FMO5: variants seen among roughly 807,000 people sequenced by gnomAD.
The protein encoded by FMO5 is flavin-containing monooxygenase 5.
Under a neutral mutation model 43.6 loss-of-function variants are expected in FMO5, and 51 were observed. The observed-to-expected ratio is 1.17, with a 90% CI of 0.93 to 1.48. The LOEUF (loss-of-function observed/expected upper bound fraction) is 1.48, where lower values mean the gene tolerates loss of function less well. Among genes scored for constraint, FMO5 ranks in the 40% most tolerant of loss-of-function variants. FMO5 has a pLI of 0.00. For synonymous variants in FMO5, 187 were observed against 216.5 expected (o/e 0.86, Z 1.20); for missense variants, 644 against 643.0 (o/e 1.00, Z -0.02).
Position 147,225,044 on chromosome 1 carries a change from T to G in FMO5, c.-15A>C, listed in dbSNP as rs1553927399. ...TTCTTAGTCATGGTCTCCCGAGATC[T>G]TCACCTGTTAGTGTCGCCTGTCCTA... On this transcript the variant is annotated 5_prime_UTR_variant, in exon 2 of 9. Transcript: ENST00000254090. The G allele has an allele frequency of 2.5e-6, 4 of 1,614,094 alleles. No homozygotes were observed. The highest frequency in any genetic ancestry group is 2.5e-6 in the Non-Finnish European group (3 of 1,179,980).
In FMO5 at chr1:147,215,797, A is replaced by G. The variant is rs1416054632; in HGVS notation, c.281T>C (p.Met94Thr). The G allele has an allele frequency of 1.3e-5, 21 of 1,612,750 alleles. No individual in the cohort carries two copies. Among genetic ancestry groups the G allele is most frequent in the Non-Finnish European group, 1.6e-5 (19 of 1,179,600 alleles). ...TAGAAGGTCAAATTCTTTGGCATAC[A>G]TCCTGAAATACTCCAGGACCTGGGC... ...HNAQVLEYFR[M>T]YAKEFDLLKY... The change falls in exon 3 of 9, where the codon ATG becomes ACG. Residue 94 changes from methionine to threonine, a missense_variant. Met to Thr is a moderately conservative substitution (Grantham distance 81, BLOSUM62 -1). Transcript: ENST00000254090.
In FMO5 at chr1:147,213,387, C is replaced by T; in HGVS notation, c.408G>A (p.Lys136=). Residue 136 remains lysine (K), a synonymous_variant, in exon 4 of 9, where the codon AAG becomes AAA. Coordinates refer to ENST00000254090, the MANE Select transcript of FMO5 (RefSeq NM_001461.4). ...WEVVTESEGK[K]EMNVFDGVMV... is the part of the protein sequence containing the mutation. ...TGACTCCATCAAAGACATTCATCTC[C>T]TTTTTCCCTTCAGATTCAGTGACCA... The T allele has an allele frequency of 1.2e-6, 2 of 1,613,804 alleles. No homozygotes were observed. Among genetic ancestry groups the T allele is most frequent in the Non-Finnish European group, 1.7e-6 (2 of 1,179,872 alleles).
intron 8 of FMO5, among the ~76,000 whole-genome samples, chr1:147,188,207 T>G (rs1238579568): frequency 6.6e-6 from 1 of 152,142 alleles, no homozygotes; most frequent in South Asian, 2.1e-4. Flanking sequence ...TTATTTATCC[T>G]ATAATAGTAG....
At chr1:147,203,232 C>G (rs1659363238) in intron 6 of FMO5, 1 of 1,054,446 alleles carries the variant, frequency 9.5e-7, no homozygotes, top group African/African-American at 1.6e-5. Flanking sequence ...TAGAATACTA[C>G]TACAAATACA....
intron 8 of FMO5, among the ~76,000 whole-genome samples, chr1:147,187,874 A>G (rs1171307867): frequency 6.6e-6 from 1 of 152,200 alleles, no homozygotes; most frequent in Admixed American, 6.5e-5. Context: ...TGTGTGGTGG[A>G]GTGGGATTTG....
intron 6 of FMO5, 55 bp downstream of exon 6, chr1:147,208,797 G>A (rs1415029574): frequency 6.9e-7 from 1 of 1,447,976 alleles, no homozygotes; most frequent in Admixed American, 1.7e-5. Context: ...AGTGTGAAGA[G>A]TCCTTATTCT....
chr1:147,220,983 T>G (rs1553926133), intron 2 of FMO5, among the ~76,000 whole-genome samples: 1 of 148,544 alleles, frequency 6.7e-6, no homozygotes, highest in Non-Finnish European at 1.5e-5. Flanking sequence ...GTGGATAGTA[T>G]GTACCCTTGA....
At position 147,189,051 on chromosome 1, in the gene FMO5, A is replaced by G. The variant is rs587615226; in HGVS notation, c.1256+1126T>C. ...AGCACTTTGGGAGGCTGAGGCGGGC[A>G]GATCACAAGGTCAGGAGTTTGAGAC... On this transcript the variant is annotated intron_variant, in intron 8 of 8. Transcript: ENST00000254090. Among the ~76,000 whole-genome samples, 104 of 152,010 alleles carry G rather than the reference A, an allele frequency of 6.8e-4. 2 individuals are homozygous for G. The highest frequency in any genetic ancestry group is 2.3e-3 in the African/African-American group (97 of 41,364).
intron 8 of FMO5, among the ~76,000 whole-genome samples, chr1:147,187,839 A>G (rs1303031133): frequency 6.6e-6 from 1 of 152,196 alleles, no homozygotes; most frequent in African/African-American, 2.4e-5. Context: ...TAAAGGGGAA[A>G]ATGTGGTTGA....
chr1:147,185,543 G>C (rs1655545022), downstream of FMO5, among the ~76,000 whole-genome samples: 1 of 152,168 alleles, frequency 6.6e-6, no homozygotes, highest in Non-Finnish European at 1.5e-5. Flanking sequence ...TTCGGTGAAA[G>C]GGCCGGCAAT....
At chr1:147,206,870 A>T (rs1660179787) in intron 6 of FMO5, among the ~76,000 whole-genome samples, 1 of 152,174 alleles carries the variant, frequency 6.6e-6, no homozygotes, top group Non-Finnish European at 1.5e-5. Context: ...CCAACATGGC[A>T]CATATATACA....
intron 2 of FMO5, among the ~76,000 whole-genome samples, chr1:147,217,879 A>G (rs587727043): frequency 3.9e-5 from 6 of 152,216 alleles, no homozygotes; most frequent in African/African-American, 1.4e-4. Context: ...CTCCAACTAG[A>G]TTGTAAGCCC....
intron 4 of FMO5, 42 bp from the exon 5 acceptor site, chr1:147,212,577 TGATA>T: frequency 6.4e-7 from 1 of 1,564,370 alleles, no homozygotes; most frequent in Non-Finnish European, 8.7e-7. Flanking sequence ...ATGGTTTACA[TGATA>T]GATATCATTT....
chr1:147,210,194 G>A (rs1373281648), intron 5 of FMO5: 1 of 152,182 alleles, frequency 6.6e-6, no homozygotes, highest in African/African-American at 2.4e-5. Flanking sequence ...TCCAACCCAG[G>A]TCTGACTAAC....
At chr1:147,223,904 A>T (rs1023280976) in intron 2 of FMO5, 10 of 368,096 alleles carry the variant, frequency 2.7e-5, no homozygotes, top group Non-Finnish European at 5.2e-5. Flanking sequence ...GTTGTCCTGG[A>T]CTGAGAAGAA....
At position 147,186,340 on chromosome 1, in the gene FMO5, A is replaced by G. The variant is rs1162415968; in HGVS notation, c.*560T>C. Reference sequence around the variant, plus strand: ...CTAAAAATGACCATGTTTCAAGTACACTAGTGAATAGCAAGTGAAACAAAA... The same window carrying G: ...CTAAAAATGACCATGTTTCAAGTACGCTAGTGAATAGCAAGTGAAACAAAA... On this transcript the variant is annotated 3_prime_UTR_variant, in exon 9 of 9. Transcript: ENST00000254090. 4.2e-5 allele frequency: 41 copies of G among 975,476 alleles called. No individual in the cohort carries two copies. The highest frequency in any genetic ancestry group is 4.9e-5 in the Non-Finnish European group (40 of 820,972). 60.4% of individuals were successfully genotyped at this position (975,476 alleles called of 1,614,324 possible).
At chr1:147,198,850 C>CAAAAAAA (rs151035141) in intron 7 of FMO5, among the ~76,000 whole-genome samples, 8 of 51,770 alleles carry the variant, frequency 1.5e-4, no homozygotes, top group Admixed American at 2.5e-4. Context: ...GACTGCATCT[C>CAAAAAAA]AAAAAAAAAA....
intron 7 of FMO5, among the ~76,000 whole-genome samples, chr1:147,200,513 T>G (rs1658787118): frequency 6.6e-6 from 1 of 152,174 alleles, no homozygotes; most frequent in South Asian, 2.1e-4. Flanking sequence ...TCTAGAACAT[T>G]ATAGTTTTTT....
chr1:147,189,917 T>C (rs1186929597), intron 8 of FMO5, among the ~76,000 whole-genome samples: 1 of 152,194 alleles, frequency 6.6e-6, no homozygotes, highest in African/African-American at 2.4e-5. Flanking sequence ...TTTATTTCCA[T>C]ATGCATTTTC....
Sources: allele counts gnomAD v4.1 joint callset (sites outside exome capture counted in the v4.1 genomes callset), GRCh38; gene constraint gnomAD v4.1.1; transcripts MANE v1.5; gene names NCBI Gene and HGNC (gene_info 2026-07-23, HGNC 2026-07-21).